Variants in RNF4 observed in about 807,000 individuals in gnomAD.
RNF4 encodes ring finger protein 4, also known as E3 ubiquitin-protein ligase RNF4.
Under a neutral mutation model 24.3 loss-of-function variants are expected in RNF4, and 7 were observed. The observed-to-expected ratio is 0.29, with a 90% CI of 0.16 to 0.54. The LOEUF is 0.54. Among genes scored for constraint, RNF4 ranks in the 20% least tolerant of loss-of-function variants. The pLI is 0.95. For missense variants in RNF4, 209 were observed against 248.5 expected, an observed-to-expected ratio of 0.84 and a Z score of 1.07; for synonymous variants, 83 against 84.3, an observed-to-expected ratio of 0.98 and a Z score of 0.09.
chr4:2,498,852 C>G (rs966642230), intron 3 of RNF4, among the ~76,000 whole-genome samples: 3 of 152,166 alleles, frequency 2.0e-5, no homozygotes, highest in African/African-American at 7.2e-5. Flanking sequence ...GATCGTGCCA[C>G]TGCACTCTAG....
At chr4:2,486,456 A>G (rs1472417657) in intron 1 of RNF4, among the ~76,000 whole-genome samples, 1 of 152,116 alleles carries the variant, frequency 6.6e-6, no homozygotes, top group Non-Finnish European at 1.5e-5. Flanking sequence ...TTGGTGGCTT[A>G]TCCCCAAGAC....
At chr4:2,482,163 G>A (rs1735263311) in intron 1 of RNF4, among the ~76,000 whole-genome samples, 2 of 152,210 alleles carry the variant, frequency 1.3e-5, no homozygotes, top group African/African-American at 2.4e-5. Context: ...TGCTGTTTGA[G>A]ATTAGGCCCC....
At chr4:2,476,635 C>T (rs1486243580) in intron 1 of RNF4, among the ~76,000 whole-genome samples, 6 of 152,018 alleles carry the variant, frequency 3.9e-5, no homozygotes, top group Non-Finnish European at 8.8e-5. Flanking sequence ...TTGTGATCCA[C>T]CCACCTCGGC....
rs766858626 is a variant in RNF4 at position 2,513,860 on chromosome 4, A to C, written c.*41A>C. 33 of 1,611,856 alleles carry C rather than the reference A, an allele frequency of 2.0e-5. No individual in the cohort carries two copies. Among genetic ancestry groups the C allele is most frequent in the Middle Eastern group, 1.6e-4 (1 of 6,076 alleles). On this transcript the variant is annotated 3_prime_UTR_variant, in exon 8 of 8. Transcript: ENST00000314289. Reference sequence around the variant, plus strand: ...CCAGGAGAGACGGATGGACAGACAGACAGCCAGGTTCTCCAGTGGTATCTG... The same window carrying C: ...CCAGGAGAGACGGATGGACAGACAGCCAGCCAGGTTCTCCAGTGGTATCTG...
intron 2 of RNF4, among the ~76,000 whole-genome samples, chr4:2,494,205 C>G (rs1305860778): frequency 2.0e-5 from 3 of 152,092 alleles, no homozygotes; most frequent in South Asian, 4.1e-4. Context: ...TTTATACTTT[C>G]TGCAGAAAGG....
At chr4:2,509,766 A>C (rs1736214158) in intron 4 of RNF4, among the ~76,000 whole-genome samples, 1 of 152,140 alleles carries the variant, frequency 6.6e-6, no homozygotes, top group Admixed American at 6.5e-5. Flanking sequence ...AAGACTCAGT[A>C]CGCGCACTGT....
rs56727538 is a variant in RNF4 at position 2,484,067 on chromosome 4, T to TCCCCCCCCCCGCC, written c.-157-6262_-157-6261insCCGCCCCCCCCCC. 1.5e-4 allele frequency among the ~76,000 whole-genome samples: 2 copies of TCCCCCCCCCCGCC among 13,248 alleles called. 1 individual carries two copies. Among genetic ancestry groups the TCCCCCCCCCCGCC allele is most frequent in the Non-Finnish European group, 3.1e-4 (2 of 6,352 alleles). The allele number at this position is 13,248 out of a possible 152,430, so 8.7% of individuals were successfully genotyped here. On this transcript the variant is annotated intron_variant, in intron 1 of 7. Transcript: ENST00000314289. ...GTCTCGAACTCCTGGCCTCAGGTGATCCCCCCCCGCCTCGGCCTCCCAAAG... is the reference window on the plus strand; with the variant it reads ...GTCTCGAACTCCTGGCCTCAGGTGATCCCCCCCCCCGCCCCCCCCCCGCCTCGGCCTCCCAAAG...
intron 1 of RNF4, among the ~76,000 whole-genome samples, chr4:2,484,622 G>A (rs770688701): frequency 1.3e-5 from 2 of 148,268 alleles, no homozygotes; most frequent in South Asian, 4.2e-4. Context: ...CTGCTAGAGT[G>A]GGGGGGGTCA....
chr4:2,490,541 G>A lies in RNF4; in HGVS notation c.9+39G>A, dbSNP rs1005777407. 3 of 1,594,388 alleles carry A rather than the reference G, an allele frequency of 1.9e-6. No homozygotes were observed. The African/African-American group carries it at 4.0e-5, about 21-fold the overall frequency. On this transcript the variant is annotated intron_variant, in intron 2 of 7. Transcript: ENST00000314289. ...TCTCTTGAATTTTTAATTTTGTAGG[G>A]CTAATTAACTACCTTATTCCTTGTA...
At chr4:2,503,843 G>GT (rs1735988420) in intron 4 of RNF4, among the ~76,000 whole-genome samples, 1 of 152,184 alleles carries the variant, frequency 6.6e-6, no homozygotes, top group South Asian at 2.1e-4. Context: ...CTGTCGAATA[G>GT]TTTGAGTGCA....
chr4:2,507,735 A>G (rs1227970846), intron 4 of RNF4, among the ~76,000 whole-genome samples: 1 of 152,222 alleles, frequency 6.6e-6, no homozygotes, highest in Non-Finnish European at 1.5e-5. Flanking sequence ...GTGACCAATC[A>G]GATGTGCCTG....
At chr4:2,505,067 A>G (rs534892447) in intron 4 of RNF4, 12 of 152,092 alleles carry the variant, frequency 7.9e-5, no homozygotes, top group African/African-American at 1.9e-4. Flanking sequence ...ACTTTCGTAT[A>G]TAAACTTTTT....
chr4:2,472,105 C>T (rs899214571), intron 1 of RNF4, among the ~76,000 whole-genome samples: 1 of 152,136 alleles, frequency 6.6e-6, no homozygotes, highest in African/African-American at 2.4e-5. Flanking sequence ...CAGTCTGATT[C>T]TCTTGTTAGG....
At chr4:2,475,874 C>T (rs914002184) in intron 1 of RNF4, among the ~76,000 whole-genome samples, 6 of 152,118 alleles carry the variant, frequency 3.9e-5, no homozygotes, top group Non-Finnish European at 5.9e-5. Flanking sequence ...AAGCAGAGCT[C>T]GAAACTTCAC....
Position 2,512,710 on chromosome 4 carries a change from C to G in RNF4, c.374+113C>G. On this transcript the variant is annotated intron_variant, in intron 6 of 7. Coordinates refer to ENST00000314289, the MANE Select transcript of RNF4 (RefSeq NM_002938.5). This position sits in a 1 kb window ranked among gnomAD's most constrained non-coding sequence, Gnocchi z 4.1. ...TGGCCCTGGAAGGGCTTGCCCAAGCCTCTACCCAGCATCTGGATACAGTTG... is the reference window on the plus strand; with the variant it reads ...TGGCCCTGGAAGGGCTTGCCCAAGCGTCTACCCAGCATCTGGATACAGTTG... The G allele has an allele frequency of 8.2e-7, 1 of 1,224,508 alleles. No homozygotes were observed. Among genetic ancestry groups the G allele is most frequent in the Non-Finnish European group, 1.1e-6 (1 of 887,838 alleles). 75.9% of individuals were successfully genotyped at this position (1,224,508 alleles called of 1,614,324 possible).
At chr4:2,470,432 A>G (rs923188135) in intron 1 of RNF4, among the ~76,000 whole-genome samples, 1 of 152,228 alleles carries the variant, frequency 6.6e-6, no homozygotes, top group Non-Finnish European at 1.5e-5. Context: ...GAGGTGAAAT[A>G]GAGGCATTCG....
chr4:2,469,461 G>A (rs1734821499), intron 1 of RNF4: 1 of 152,256 alleles, frequency 6.6e-6, no homozygotes, highest in African/African-American at 2.4e-5. Flanking sequence ...ACAGAAGTTA[G>A]GAGGTCTGCG....
At position 2,498,742 on chromosome 4, in the gene RNF4, A is replaced by C. The variant is rs146749291; in HGVS notation, c.124+1621A>C. Among the ~76,000 whole-genome samples the C allele has an allele frequency of 7.5e-3, 1,144 of 152,138 alleles. 18 individuals are homozygous for C. The highest frequency in any genetic ancestry group is 0.026 in the African/African-American group (1,084 of 41,518). On this transcript the variant is annotated intron_variant, in intron 3 of 7. Coordinates refer to ENST00000314289, the MANE Select transcript of RNF4 (RefSeq NM_002938.5). The stretch of plus-strand genomic sequence containing the variant: ...AGTACCAGACCAGCCTGGACAACAT[A>C]GTGAGACCCTGTCTCTATAAATAAA...
At chr4:2,488,102 C>T (rs990406805) in intron 1 of RNF4, among the ~76,000 whole-genome samples, 1 of 152,174 alleles carries the variant, frequency 6.6e-6, no homozygotes, top group Non-Finnish European at 1.5e-5. Flanking sequence ...TGTGTTTGCT[C>T]ATTGCTGTAT....
Sources: allele counts gnomAD v4.1 joint callset (sites outside exome capture counted in the v4.1 genomes callset), GRCh38; gene constraint gnomAD v4.1.1; non-coding constraint Gnocchi (gnomAD v3.1); transcripts MANE v1.5; gene names NCBI Gene and HGNC (gene_info 2026-07-23, HGNC 2026-07-21).